The following STK33 variants were observed in gnomAD, a reference collection of about 807,000 sequenced individuals.
STK33 encodes the protein serine/threonine-protein kinase 33.
STK33 carries 52 observed loss-of-function variants against 58.0 expected under a neutral mutation model. The observed-to-expected ratio is 0.90, with a 90% CI of 0.72 to 1.13. STK33 has a LOEUF of 1.13. Ranked by LOEUF, STK33 falls within the 50% of genes most tolerant of loss-of-function variation. The pLI is 0.00. For missense variants in STK33, 630 were observed against 604.2 expected (o/e 1.04, Z -0.45); for synonymous variants, 215 against 200.1 (o/e 1.07, Z -0.63).
At chr11:8,348,825 C>G in the STK33 span, among the ~76,000 whole-genome samples, 1 of 152,240 alleles carries the variant, frequency 6.6e-6, no homozygotes, top group East Asian at 1.9e-4. Context: ...CTGAGCATCC[C>G]TGAAACAGTG....
At chr11:8,574,647 A>T (rs951435512) in intron 1 of STK33, among the ~76,000 whole-genome samples, 2 of 152,188 alleles carry the variant, frequency 1.3e-5, no homozygotes, top group Non-Finnish European at 2.9e-5. Flanking sequence ...CCAAACAAAG[A>T]CACTGCAAGT....
At chr11:8,411,195 C>T (rs1217744337) in intron 15 of STK33, among the ~76,000 whole-genome samples, 1 of 152,180 alleles carries the variant, frequency 6.6e-6, no homozygotes, top group Non-Finnish European at 1.5e-5. Flanking sequence ...AAAACATTAT[C>T]TAGATGTCCT....
Position 8,433,770 on chromosome 11 carries a change from T to C in STK33, c.1146+1724A>G, listed in dbSNP as rs531332612. ...TCATCGAATCCGTCATCAACTCCTA[T>C]CAATTATACCTCTAAAATATATCTC... is the stretch of plus-strand genomic sequence containing the variant. On this transcript the variant is annotated intron_variant, in intron 14 of 15. Transcript: ENST00000687296. The C allele has an allele frequency of 2.0e-5, 3 of 152,268 alleles. 1 individual carries two copies. Among genetic ancestry groups the C allele is most frequent in the Non-Finnish European group, 1.5e-5 (1 of 68,026 alleles). The allele number at this position is 152,268 out of a possible 1,614,324, so 9.4% of individuals were successfully genotyped here.
chr11:8,512,038 C>T (rs35225809), intron 1 of STK33, among the ~76,000 whole-genome samples: 25,873 of 152,032 alleles, frequency 0.17, 2,670 homozygotes, highest in South Asian at 0.32. Context: ...TCTGCGCCAA[C>T]TATTATTACA....
At chr11:8,336,852 C>T in the STK33 span, among the ~76,000 whole-genome samples, 7 of 152,248 alleles carry the variant, frequency 4.6e-5, no homozygotes, top group Admixed American at 6.5e-5. Flanking sequence ...CAGTGCTCTG[C>T]AGGCAGGGCC....
At chr11:8,442,557 TTC>T (rs1240687158) in intron 11 of STK33, among the ~76,000 whole-genome samples, 1 of 152,204 alleles carries the variant, frequency 6.6e-6, no homozygotes, top group African/African-American at 2.4e-5. Flanking sequence ...ACCATCTGTC[TTC>T]TCTCTTGTTC....
intron 1 of STK33, among the ~76,000 whole-genome samples, chr11:8,587,133 G>A (rs1312614542): frequency 2.0e-5 from 3 of 152,142 alleles, no homozygotes; most frequent in Admixed American, 1.3e-4. Flanking sequence ...CATGAAAAGA[G>A]CTATAACAGA....
intron 15 of STK33, among the ~76,000 whole-genome samples, chr11:8,403,771 T>C (rs970851663): frequency 2.6e-5 from 4 of 152,220 alleles, no homozygotes; most frequent in Non-Finnish European, 4.4e-5. Flanking sequence ...AGGGGAGATA[T>C]GTAACAGGAA....
chr11:8,546,589 C>T (rs576197143), intron 1 of STK33, among the ~76,000 whole-genome samples: 3 of 132,568 alleles, frequency 2.3e-5, no homozygotes, highest in African/African-American at 9.7e-5. Context: ...TCTCTTCATC[C>T]CCCCCACCCT....
intron 12 of STK33, among the ~76,000 whole-genome samples, chr11:8,438,421 T>C (rs1380507421): frequency 2.0e-5 from 3 of 152,180 alleles, no homozygotes; most frequent in Non-Finnish European, 4.4e-5. Flanking sequence ...TCTGATTAAA[T>C]AGAAATGAAT....
At chr11:8,404,130 G>A (rs1590787755) in intron 15 of STK33, among the ~76,000 whole-genome samples, 1 of 152,180 alleles carries the variant, frequency 6.6e-6, no homozygotes, top group Non-Finnish European at 1.5e-5. Context: ...GAAGAAGGAA[G>A]GGAAAGAAAA....
At position 8,413,559 on chromosome 11, in the gene STK33, C is replaced by T. The variant is rs1421060827; in HGVS notation, c.1280G>A (p.Ser427Asn). Reference protein sequence around the residue: ...NKPSTEEKLKSYQPWGNVPDA... With the variant: ...NKPSTEEKLKNYQPWGNVPDA... ...AGGGACATTTCCCCAGGGTTGGTAA[C>T]TTTTCAACTTTTCTTCAGTGGACGG... is the stretch of plus-strand genomic sequence containing the variant. The change falls in exon 15 of 16, where the codon AGT (serine) becomes AAT (asparagine). Residue 427 changes from serine to asparagine, a missense_variant. Ser to Asn is a conservative substitution (Grantham distance 46). Coordinates refer to ENST00000687296, the MANE Select transcript of STK33 (RefSeq NM_001352389.2). The T allele has an allele frequency of 6.2e-7, 1 of 1,613,882 alleles. No homozygotes were observed.
chr11:8,555,357 C>T (rs551036127), intron 1 of STK33, among the ~76,000 whole-genome samples: 1 of 152,182 alleles, frequency 6.6e-6, no homozygotes, highest in South Asian at 2.1e-4. Flanking sequence ...TAGCATATTG[C>T]ACGTTTAAAA....
At chr11:8,409,374 A>G (rs997466235) in intron 15 of STK33, among the ~76,000 whole-genome samples, 5 of 152,220 alleles carry the variant, frequency 3.3e-5, no homozygotes, top group African/African-American at 1.2e-4. Context: ...TAAATCATGC[A>G]AACACTTTTA....
intron 14 of STK33, among the ~76,000 whole-genome samples, chr11:8,419,422 T>C (rs10840039): frequency 0.37 from 55,868 of 151,780 alleles, 10,688 homozygotes; most frequent in East Asian, 0.53. Flanking sequence ...GGGCTCTCTA[T>C]TCTGTTCCAT....
At chr11:8,350,634 GATAGGC>G in the STK33 span, among the ~76,000 whole-genome samples, 1 of 152,116 alleles carries the variant, frequency 6.6e-6, no homozygotes, top group South Asian at 2.1e-4. Context: ...GGGAGAGAGG[GATAGGC>G]AGGAAAGTGG....
At chr11:8,527,504 G>A (rs554778897) in intron 1 of STK33, among the ~76,000 whole-genome samples, 1 of 151,882 alleles carries the variant, frequency 6.6e-6, no homozygotes, top group African/African-American at 2.4e-5. Flanking sequence ...GTATCCCAAG[G>A]TATTTCCCCA....
At chr11:8,456,277 A>G (rs952460143) in intron 9 of STK33, among the ~76,000 whole-genome samples, 2 of 152,200 alleles carry the variant, frequency 1.3e-5, no homozygotes, top group Non-Finnish European at 2.9e-5. Context: ...TATTCCTCAG[A>G]TCAAATATTG....
the STK33 span, among the ~76,000 whole-genome samples, chr11:8,376,111 A>G: frequency 6.6e-6 from 1 of 152,182 alleles, no homozygotes; most frequent in Non-Finnish European, 1.5e-5. Context: ...CTCCAGGGGA[A>G]TGAGCGGGGT....
Sources: gnomAD v4.1 joint callset for allele counts (sites outside exome capture counted in the v4.1 genomes callset) on GRCh38, gnomAD v4.1.1 for gene constraint, MANE v1.5 for transcripts, NCBI Gene and HGNC (gene_info 2026-07-23, HGNC 2026-07-21) for gene names.